The following SMIM14 variants were observed in gnomAD, a reference collection of about 807,000 sequenced individuals.
The protein encoded by SMIM14 is chromosome 4 open reading frame 34.
In SMIM14, 5 loss-of-function variants were observed where a neutral mutation model predicts 12.6. That is an observed-to-expected ratio of 0.40 (90% CI 0.21 to 0.83). The LOEUF (loss-of-function observed/expected upper bound fraction) is 0.83. Ranked by LOEUF, SMIM14 falls within the 40% of genes least tolerant of loss-of-function variation. The pLI is 0.37. For synonymous variants in SMIM14, 30 were observed against 40.1 expected (o/e 0.75, Z 0.95); for missense variants, 86 against 119.1 (o/e 0.72, Z 1.29).
At chr4:39,635,209 C>T (rs1716046137) in intron 1 of SMIM14, among the ~76,000 whole-genome samples, 1 of 152,018 alleles carries the variant, frequency 6.6e-6, no homozygotes, top group Admixed American at 6.6e-5. Flanking sequence ...TTGGCAAGTT[C>T]CAGGGACAAA....
intron 1 of SMIM14, among the ~76,000 whole-genome samples, chr4:39,608,605 G>A (rs932819706): frequency 6.6e-6 from 1 of 152,192 alleles, no homozygotes; most frequent in African/African-American, 2.4e-5. Context: ...CAAATTCATG[G>A]AGACAGGAAG....
chr4:39,591,028 C>A (rs904950484), intron 2 of SMIM14, among the ~76,000 whole-genome samples: 5 of 151,746 alleles, frequency 3.3e-5, no homozygotes, highest in African/African-American at 1.2e-4. Flanking sequence ...TTCCAGGAAC[C>A]CCCCTCAGAT....
At chr4:39,627,862 TCAAA>T (rs1468442509) in intron 1 of SMIM14, among the ~76,000 whole-genome samples, 1 of 152,116 alleles carries the variant, frequency 6.6e-6, no homozygotes, top group Non-Finnish European at 1.5e-5. Flanking sequence ...TCATAAAGAG[TCAAA>T]CAAAGGAAAG....
chr4:39,609,539 C>G (rs749107109), intron 1 of SMIM14, among the ~76,000 whole-genome samples: 2 of 151,974 alleles, frequency 1.3e-5, no homozygotes, highest in Non-Finnish European at 2.9e-5. Flanking sequence ...TACAAAGGTC[C>G]TTTATGAGTA....
At chr4:39,571,589 A>AT (rs1216963778) in intron 3 of SMIM14, among the ~76,000 whole-genome samples, 3 of 151,836 alleles carry the variant, frequency 2.0e-5, no homozygotes, top group Admixed American at 6.6e-5. Context: ...TTAAAAAAAA[A>AT]TTTTTTTAAA....
intron 2 of SMIM14, chr4:39,587,960 T>A (rs564989909): frequency 6.6e-6 from 1 of 152,480 alleles, no homozygotes; most frequent in African/African-American, 2.4e-5. Context: ...CACCATTCTA[T>A]GAGGAAGCCA....
intron 2 of SMIM14, among the ~76,000 whole-genome samples, chr4:39,585,639 T>C (rs1315488830): frequency 6.6e-6 from 1 of 151,984 alleles, no homozygotes; most frequent in Non-Finnish European, 1.5e-5. Flanking sequence ...TCCAATACTA[T>C]GACACTGCTA....
chr4:39,557,315 C>T (rs1342969565), intron 3 of SMIM14, among the ~76,000 whole-genome samples: 1 of 152,098 alleles, frequency 6.6e-6, no homozygotes, highest in East Asian at 1.9e-4. Flanking sequence ...TCCTGCCCCA[C>T]ACCCCTAATT....
At chr4:39,638,618 G>A in intron 1 of SMIM14, 121 bp downstream of exon 1, 1 of 975,526 alleles carries the variant, frequency 1.0e-6, no homozygotes, top group South Asian at 4.7e-5. Context: ...CCAAGCCCGA[G>A]AAACAGCCCT....
chr4:39,603,515 C>T (rs1159366782), intron 2 of SMIM14, among the ~76,000 whole-genome samples: 1 of 151,882 alleles, frequency 6.6e-6, no homozygotes, highest in East Asian at 1.9e-4. Context: ...GCCAAGATCG[C>T]GCCACTGCAC....
intron 2 of SMIM14, among the ~76,000 whole-genome samples, chr4:39,588,521 G>T (rs1051543781): frequency 6.6e-6 from 1 of 152,034 alleles, no homozygotes; most frequent in Admixed American, 6.6e-5. Context: ...AAAGGATTAA[G>T]ATTTGAAACA....
At chr4:39,592,122 G>A (rs1372718629) in intron 2 of SMIM14, among the ~76,000 whole-genome samples, 3 of 152,044 alleles carry the variant, frequency 2.0e-5, no homozygotes, top group East Asian at 1.9e-4. Flanking sequence ...CTTGAGCCCA[G>A]GAGTTCAAGG....
At chr4:39,573,710 A>T (rs1462599997) in intron 2 of SMIM14, among the ~76,000 whole-genome samples, 1 of 152,188 alleles carries the variant, frequency 6.6e-6, no homozygotes, top group Non-Finnish European at 1.5e-5. Context: ...AAGAAAAAAA[A>T]ACCAGATTCT....
chr4:39,633,631 A>C (rs560971423), intron 1 of SMIM14, among the ~76,000 whole-genome samples: 2 of 152,072 alleles, frequency 1.3e-5, no homozygotes, highest in South Asian at 4.2e-4. Context: ...GGTAGTATGG[A>C]CCTGTGGTCC....
intron 2 of SMIM14, among the ~76,000 whole-genome samples, chr4:39,590,022 C>CAAAAAAAAA (rs34159677): frequency 1.4e-5 from 1 of 71,324 alleles, no homozygotes; most frequent in Non-Finnish European, 2.6e-5. Context: ...GACTCTGTTT[C>CAAAAAAAAA]AAAAAAAAAA....
At chr4:39,623,514 C>T (rs986892292) in intron 1 of SMIM14, among the ~76,000 whole-genome samples, 6 of 152,126 alleles carry the variant, frequency 3.9e-5, no homozygotes, top group African/African-American at 1.2e-4. Context: ...TTACTTTTCA[C>T]ATAGCCAGCC....
At chr4:39,611,790 T>C (rs1422056701) in intron 1 of SMIM14, among the ~76,000 whole-genome samples, 2 of 152,212 alleles carry the variant, frequency 1.3e-5, no homozygotes, top group Non-Finnish European at 2.9e-5. Flanking sequence ...AAAGTATTTA[T>C]CAGTGTTGTT....
chr4:39,613,761 T>C (rs1715116226), intron 1 of SMIM14, among the ~76,000 whole-genome samples: 1 of 152,204 alleles, frequency 6.6e-6, no homozygotes. Context: ...ATATCGCTAA[T>C]GTTAGAGAAC....
At chr4:39,568,569 C>T (rs1313410833) in intron 3 of SMIM14, among the ~76,000 whole-genome samples, 1 of 152,024 alleles carries the variant, frequency 6.6e-6, no homozygotes, top group African/African-American at 2.4e-5. Flanking sequence ...GAGAATAAAA[C>T]GTATTTCTTC....
Sources: gnomAD v4.1 joint callset for allele counts (sites outside exome capture counted in the v4.1 genomes callset) on GRCh38, gnomAD v4.1.1 for gene constraint, MANE v1.5 for transcripts, NCBI Gene and HGNC (gene_info 2026-07-23, HGNC 2026-07-21) for gene names.